The following AFF3 variants were observed in gnomAD, a reference collection of about 807,000 sequenced individuals.
AFF3 encodes AF4/FMR2 family member 3.
AFF3 carries 32 observed loss-of-function variants against 129.7 expected under a neutral mutation model. The observed-to-expected ratio is 0.25, with a 90% CI of 0.19 to 0.33. The LOEUF (loss-of-function observed/expected upper bound fraction) is 0.33, where lower values mean the gene tolerates loss of function less well. Ranked by LOEUF, AFF3 falls within the 10% of genes least tolerant of loss-of-function variation. AFF3 has a pLI of 1.00. For synonymous variants in AFF3, 644 were observed against 635.4 expected (o/e 1.01, Z -0.20); for missense variants, 1,373 against 1,592.0 (o/e 0.86, Z 2.34).
intron 8 of AFF3, among the ~76,000 whole-genome samples, chr2:99,822,775 C>T (rs1687784322): frequency 6.6e-6 from 1 of 152,204 alleles, no homozygotes; most frequent in African/African-American, 2.4e-5. Context: ...GCTCCTCATC[C>T]ATACGGTAAC....
rs189379282 is a variant in AFF3 at position 99,661,514 on chromosome 2, T to C, written c.1143+11024A>G. On this transcript the variant is annotated intron_variant, in intron 12 of 24. Transcript: ENST00000672756. ...ATAATTTTCTTTTTCCAGATTTCCA[T>C]TTAGGGTCCTCAGGCTGAAACTAGG... 3.7e-3 allele frequency among the ~76,000 whole-genome samples: 556 copies of C among 152,310 alleles called. 5 individuals carry two copies. The highest frequency in any genetic ancestry group is 5.6e-3 in the Non-Finnish European group (383 of 68,024).
intron 8 of AFF3, among the ~76,000 whole-genome samples, chr2:99,779,124 C>A (rs1575957121): frequency 6.6e-6 from 1 of 152,134 alleles, no homozygotes; most frequent in Non-Finnish European, 1.5e-5. Flanking sequence ...AGGGGGAAAG[C>A]ATCTGCTCTT....
In AFF3 at chr2:99,548,463, A is replaced by G. The variant is rs1299352358; in HGVS notation, c.*3011T>C. 5.1e-6 allele frequency: 1 copy of G among 197,150 alleles called. No individual in the cohort carries two copies. Among genetic ancestry groups the G allele is most frequent in the African/African-American group, 2.3e-5 (1 of 43,366 alleles). The allele number at this position is 197,150 out of a possible 1,614,324, so 12.2% of individuals were successfully genotyped here. The stretch of plus-strand genomic sequence containing the variant: ...AGGTATTTCAACTTGAAACAAAACT[A>G]AACAGGCCAGGCATGGTGGCTCATG... On this transcript the variant is annotated 3_prime_UTR_variant, in exon 25 of 25. Coordinates refer to ENST00000672756, the MANE Select transcript of AFF3 (RefSeq NM_001386135.1).
At chr2:100,043,218 A>C (rs909899140) in intron 4 of AFF3, among the ~76,000 whole-genome samples, 3 of 152,074 alleles carry the variant, frequency 2.0e-5, no homozygotes, top group African/African-American at 7.2e-5. Flanking sequence ...CACCAAGATT[A>C]CTCCTATGGA....
intron 8 of AFF3, among the ~76,000 whole-genome samples, chr2:99,778,414 C>T (rs889990304): frequency 4.6e-5 from 7 of 152,174 alleles, no homozygotes; most frequent in African/African-American, 9.7e-5. Flanking sequence ...ATTAACAGCA[C>T]GCATAGAAAG....
At chr2:100,107,642 G>A (rs1177385047) in intron 2 of AFF3, 19 of 419,768 alleles carry the variant, frequency 4.5e-5, no homozygotes, top group Non-Finnish European at 6.1e-5. Context: ...GCTGCTGGGG[G>A]AAGCTGCTAA....
At chr2:99,895,040 T>C (rs1693840874) in intron 7 of AFF3, among the ~76,000 whole-genome samples, 1 of 152,222 alleles carries the variant, frequency 6.6e-6, no homozygotes, top group Non-Finnish European at 1.5e-5. Flanking sequence ...GTTGGCTCCA[T>C]TTTGTGTAAC....
At chr2:99,920,020 G>T (rs1412380911) in intron 7 of AFF3, among the ~76,000 whole-genome samples, 1 of 151,948 alleles carries the variant, frequency 6.6e-6, no homozygotes, top group Non-Finnish European at 1.5e-5. Context: ...GACACAGAAA[G>T]ATATAGAAAA....
At chr2:100,117,729 C>T (rs1230874952) in intron 2 of AFF3, among the ~76,000 whole-genome samples, 4 of 152,112 alleles carry the variant, frequency 2.6e-5, no homozygotes, top group African/African-American at 9.7e-5. Context: ...ACATTTGAGA[C>T]CTAGGGTGAT....
At chr2:99,992,257 C>T (rs970976542) in intron 7 of AFF3, among the ~76,000 whole-genome samples, 1 of 151,878 alleles carries the variant, frequency 6.6e-6, no homozygotes, top group Non-Finnish European at 1.5e-5. Context: ...AGTCATAAAA[C>T]CTGTTGGTAT....
intron 7 of AFF3, among the ~76,000 whole-genome samples, chr2:99,958,546 C>T (rs1313607216): frequency 6.6e-6 from 1 of 150,794 alleles, no homozygotes; most frequent in Non-Finnish European, 1.5e-5. Flanking sequence ...TACTGAGCAA[C>T]TTCCAGGTGG....
chr2:99,867,932 C>A (rs772530356), intron 7 of AFF3, among the ~76,000 whole-genome samples: 1 of 151,218 alleles, frequency 6.6e-6, no homozygotes, highest in African/African-American at 2.4e-5. Context: ...CTGGGCGAGG[C>A]GGGCACGTGG....
intron 11 of AFF3, among the ~76,000 whole-genome samples, chr2:99,723,497 G>A (rs1243959834): frequency 3.0e-4 from 46 of 152,276 alleles, no homozygotes; most frequent in Admixed American, 3.0e-3. Flanking sequence ...ACCACACCAT[G>A]AATATGAGAG....
At chr2:99,797,339 T>G (rs951138601) in intron 8 of AFF3, among the ~76,000 whole-genome samples, 1 of 151,882 alleles carries the variant, frequency 6.6e-6, no homozygotes, top group Non-Finnish European at 1.5e-5. Flanking sequence ...AGAATAGAGA[T>G]TGTAAAAGAA....
intron 18 of AFF3, among the ~76,000 whole-genome samples, chr2:99,574,550 T>C (rs79250034): frequency 1.3e-5 from 2 of 152,122 alleles, no homozygotes; most frequent in South Asian, 4.1e-4. Flanking sequence ...AAAAAAAAAT[T>C]GCAGGCACTC....
At chr2:99,596,343 C>T (rs543538070) in intron 14 of AFF3, among the ~76,000 whole-genome samples, 15 of 152,298 alleles carry the variant, frequency 9.8e-5, no homozygotes, top group Admixed American at 6.5e-4. Flanking sequence ...AACAGCTTCT[C>T]GGCCAAGGGG....
rs980090760 is a variant in AFF3, at chr2:100,057,063, G to A, written c.53+47339C>T. 4.6e-5 allele frequency among the ~76,000 whole-genome samples: 7 copies of A among 152,176 alleles called. No individual in the cohort carries two copies. In the East Asian group the frequency reaches 1.3e-3, roughly 29 times the overall value. Reference sequence around the variant, plus strand: ...CACTGGGCCAGGCATGGTCACACCTGTAATCCCAGAACTTTGGGAAGCCAA... The same window carrying A: ...CACTGGGCCAGGCATGGTCACACCTATAATCCCAGAACTTTGGGAAGCCAA... On this transcript the variant is annotated intron_variant, in intron 4 of 24. Coordinates refer to ENST00000672756, the MANE Select transcript of AFF3 (RefSeq NM_001386135.1).
intron 1 of AFF3, among the ~76,000 whole-genome samples, chr2:100,135,178 G>A (rs1378842462): frequency 6.6e-6 from 1 of 152,210 alleles, no homozygotes; most frequent in Non-Finnish European, 1.5e-5. Context: ...TCACAGTGAA[G>A]ACCTTGGATT....
At chr2:100,017,635 G>A (rs1056978221) in intron 4 of AFF3, among the ~76,000 whole-genome samples, 2 of 152,170 alleles carry the variant, frequency 1.3e-5, no homozygotes, top group African/African-American at 4.8e-5. Flanking sequence ...CATCCTCCCA[G>A]GCCCATCTGG....
Sources: gnomAD v4.1 joint callset for allele counts (sites outside exome capture counted in the v4.1 genomes callset) on GRCh38, gnomAD v4.1.1 for gene constraint, MANE v1.5 for transcripts, NCBI Gene and HGNC (gene_info 2026-07-23, HGNC 2026-07-21) for gene names.